The following GADL1 variants were observed in gnomAD, a reference collection of about 807,000 sequenced individuals.
GADL1 encodes the protein acidic amino acid decarboxylase GADL1.
Under a neutral mutation model 69.5 loss-of-function variants are expected in GADL1, and 71 were observed. The observed-to-expected ratio is 1.02, with a 90% CI of 0.84 to 1.25. The LOEUF (loss-of-function observed/expected upper bound fraction) is 1.25. Among genes scored for constraint, GADL1 ranks in the 50% most tolerant of loss-of-function variants. The pLI is 0.00. For synonymous variants in GADL1, 254 were observed against 214.4 expected (o/e 1.18, Z -1.62); for missense variants, 737 against 631.8 (o/e 1.17, Z -1.79).
intron 1 of GADL1, among the ~76,000 whole-genome samples, chr3:30,877,285 AT>A (rs1270261010): frequency 6.6e-6 from 1 of 151,920 alleles, no homozygotes; most frequent in East Asian, 1.9e-4. Flanking sequence ...ACTAACACAC[AT>A]GAAACAATAA....
At chr3:30,872,096 C>T (rs1341765601) in intron 1 of GADL1, among the ~76,000 whole-genome samples, 2 of 151,928 alleles carry the variant, frequency 1.3e-5, no homozygotes, top group African/African-American at 2.4e-5. Flanking sequence ...CCTCCACCCA[C>T]CAAACCATTT....
chr3:30,807,070 G>A (rs1458806235), intron 11 of GADL1, among the ~76,000 whole-genome samples: 4 of 152,184 alleles, frequency 2.6e-5, no homozygotes, highest in Non-Finnish European at 4.4e-5. Context: ...TGAAAATGCT[G>A]TTACTTGTTC....
intron 14 of GADL1, among the ~76,000 whole-genome samples, chr3:30,757,369 C>T (rs1031211549): frequency 6.6e-6 from 1 of 150,544 alleles, no homozygotes; most frequent in Non-Finnish European, 1.5e-5. Flanking sequence ...GTGAATAGAT[C>T]AGAGGCTAGA....
chr3:30,833,604 A>G (rs1476261940), intron 11 of GADL1, among the ~76,000 whole-genome samples: 1 of 152,080 alleles, frequency 6.6e-6, no homozygotes, highest in Non-Finnish European at 1.5e-5. Context: ...GGTGAGAGAG[A>G]GACCATTTTG....
At chr3:30,839,861 G>A (rs1485597239) in intron 8 of GADL1, among the ~76,000 whole-genome samples, 3 of 151,980 alleles carry the variant, frequency 2.0e-5, no homozygotes, top group Non-Finnish European at 4.4e-5. Flanking sequence ...CAGATGAATG[G>A]TTATCTCGGT....
chr3:30,814,483 CACAACCACTG>C (rs1697423279), intron 11 of GADL1, among the ~76,000 whole-genome samples: 2 of 152,160 alleles, frequency 1.3e-5, no homozygotes, highest in Non-Finnish European at 2.9e-5. Context: ...TGATCTCTAT[CACAACCACTG>C]AACTCTATGG....
chr3:30,772,176 G>A (rs1696432511), intron 14 of GADL1, among the ~76,000 whole-genome samples: 1 of 152,128 alleles, frequency 6.6e-6, no homozygotes, highest in South Asian at 2.1e-4. Flanking sequence ...CCGTCAAGTA[G>A]ATTTTAAGAT....
chr3:30,793,415 G>A (rs571048057), intron 12 of GADL1, among the ~76,000 whole-genome samples: 92 of 151,806 alleles, frequency 6.1e-4, no homozygotes, highest in African/African-American at 1.7e-3. Flanking sequence ...GGTGCAAGCC[G>A]GAAAAAAAGT....
intron 11 of GADL1, among the ~76,000 whole-genome samples, chr3:30,820,984 A>G (rs751065478): frequency 7.5e-4 from 114 of 152,202 alleles, no homozygotes; most frequent in Non-Finnish European, 1.4e-3. Flanking sequence ...ATGGAATACT[A>G]TGCAGCCATA....
At chr3:30,814,790 C>A (rs1200829309) in intron 11 of GADL1, among the ~76,000 whole-genome samples, 1 of 151,872 alleles carries the variant, frequency 6.6e-6, no homozygotes, top group Non-Finnish European at 1.5e-5. Flanking sequence ...ATAGTGAAAT[C>A]CTGCCTCTAC....
intron 14 of GADL1, among the ~76,000 whole-genome samples, chr3:30,768,694 T>C (rs1696346430): frequency 6.6e-6 from 1 of 152,052 alleles, no homozygotes; most frequent in Non-Finnish European, 1.5e-5. Flanking sequence ...TGACTTCCTC[T>C]GAGATAAAGA....
At chr3:30,807,412 T>C (rs771092952) in intron 11 of GADL1, among the ~76,000 whole-genome samples, 1 of 152,146 alleles carries the variant, frequency 6.6e-6, no homozygotes, top group Non-Finnish European at 1.5e-5. Context: ...TTACAAGAAA[T>C]CTTAAAGCAA....
rs74723070 is a variant in GADL1 at position 30,875,913 on chromosome 3, T to C, written c.38-14148A>G. The stretch of plus-strand genomic sequence containing the variant: ...AAAAAGCTTCTCCAGCCCATTTCAC[T>C]ATCACAGTTTGGCAATTGGACACGC... On this transcript the variant is annotated intron_variant, in intron 1 of 14. Transcript: ENST00000282538. Among the ~76,000 whole-genome samples the C allele has an allele frequency of 4.4e-3, 668 of 152,070 alleles. 14 individuals carry two copies. The East Asian group carries it at 0.047, about 11-fold the overall frequency.
At chr3:30,752,934 G>A (rs1575184825) in intron 14 of GADL1, among the ~76,000 whole-genome samples, 1 of 142,658 alleles carries the variant, frequency 7.0e-6, no homozygotes, top group African/African-American at 2.7e-5. Context: ...ATTCAGTTGA[G>A]AACACAATCC....
chr3:30,774,527 A>G (rs1255474372), intron 14 of GADL1, among the ~76,000 whole-genome samples: 4 of 152,190 alleles, frequency 2.6e-5, no homozygotes, highest in African/African-American at 9.6e-5. Flanking sequence ...ACCTACTTAT[A>G]ATAGTCTGCA....
chr3:30,789,126 C>T (rs1368501548), intron 12 of GADL1, among the ~76,000 whole-genome samples: 3 of 152,170 alleles, frequency 2.0e-5, no homozygotes, highest in African/African-American at 7.2e-5. Context: ...ACGGCTATAG[C>T]CTTACAAAAC....
intron 14 of GADL1, among the ~76,000 whole-genome samples, chr3:30,775,501 C>T (rs1402482849): frequency 2.0e-5 from 3 of 152,142 alleles, no homozygotes; most frequent in African/African-American, 7.2e-5. Context: ...ATGCACACTT[C>T]CTGACTTGCA....
intron 12 of GADL1, among the ~76,000 whole-genome samples, chr3:30,795,758 A>G (rs1322622291): frequency 1.3e-5 from 2 of 152,188 alleles, no homozygotes; most frequent in Non-Finnish European, 2.9e-5. Context: ...ATACCAAATT[A>G]CATGCCTCAA....
At chr3:30,881,781 C>T (rs1698645878) in intron 1 of GADL1, among the ~76,000 whole-genome samples, 1 of 151,886 alleles carries the variant, frequency 6.6e-6, no homozygotes, top group Non-Finnish European at 1.5e-5. Flanking sequence ...AATTTAATTG[C>T]TATTATAGCA....
Sources: gnomAD v4.1 joint callset for allele counts (sites outside exome capture counted in the v4.1 genomes callset) on GRCh38, gnomAD v4.1.1 for gene constraint, MANE v1.5 for transcripts, NCBI Gene and HGNC (gene_info 2026-07-23, HGNC 2026-07-21) for gene names.